ZFHX3: variants seen among roughly 807,000 people sequenced by gnomAD.
The protein encoded by ZFHX3 is zinc finger homeobox protein 3.
Under a neutral mutation model 279.1 loss-of-function variants are expected in ZFHX3, and 42 were observed. That is an observed-to-expected ratio of 0.15 (90% confidence interval 0.12 to 0.19). The LOEUF (loss-of-function observed/expected upper bound fraction) is 0.19, where lower values mean the gene tolerates loss of function less well. Ranked by LOEUF, ZFHX3 falls within the 10% of genes least tolerant of loss-of-function variation. ZFHX3 has a pLI of 1.00. For missense variants in ZFHX3, 4,981 were observed against 4,754.0 expected, an observed-to-expected ratio of 1.05 and a Z score of -1.40; for synonymous variants, 2,293 against 1,957.8, an observed-to-expected ratio of 1.17 and a Z score of -4.52.
upstream of ZFHX3, among the ~76,000 whole-genome samples, chr16:73,051,342 T>A (rs1965446283): frequency 6.6e-6 from 1 of 152,190 alleles, no homozygotes; most frequent in South Asian, 2.1e-4. Flanking sequence ...ACCCCATGAT[T>A]TTGAGGCAGT....
At chr16:72,986,286 C>G (rs1442772380) in intron 1 of ZFHX3, among the ~76,000 whole-genome samples, 1 of 152,170 alleles carries the variant, frequency 6.6e-6, no homozygotes, top group African/African-American at 2.4e-5. Flanking sequence ...TCCTTAGGAC[C>G]CGCCATGTGA....
intron 1 of ZFHX3, among the ~76,000 whole-genome samples, chr16:73,731,165 G>T (rs572871167): frequency 6.6e-6 from 1 of 152,260 alleles, no homozygotes; most frequent in Admixed American, 6.5e-5. Flanking sequence ...ATACTAGTTA[G>T]CAGTGAAGAC....
chr16:73,365,822 T>A (rs2016519804), intron 3 of ZFHX3, among the ~76,000 whole-genome samples: 1 of 152,182 alleles, frequency 6.6e-6, no homozygotes, highest in South Asian at 2.1e-4. Flanking sequence ...TCAGGCTTGA[T>A]AGAGATTCCC....
intron 7 of ZFHX3, among the ~76,000 whole-genome samples, chr16:73,119,108 A>AT (rs1966465166): frequency 2.1e-5 from 1 of 47,226 alleles, no homozygotes; most frequent in African/African-American, 1.0e-4. Context: ...AAATTCTTTT[A>AT]TTTTTATTTT....
intron 3 of ZFHX3, among the ~76,000 whole-genome samples, chr16:73,344,114 T>C (rs1389657813): frequency 6.6e-6 from 1 of 152,086 alleles, no homozygotes; most frequent in East Asian, 1.9e-4. Context: ...AATGGAAAAA[T>C]AGCAACCTTA....
intron 5 of ZFHX3, among the ~76,000 whole-genome samples, chr16:73,149,192 T>TTA (rs200913532): frequency 3.6e-4 from 53 of 147,442 alleles, no homozygotes; most frequent in African/African-American, 1.3e-3. Context: ...TATATTTTAC[T>TTA]TTATATTATA....
At chr16:72,957,214 G>A (rs372299110) in intron 2 of ZFHX3, among the ~76,000 whole-genome samples, 14 of 152,328 alleles carry the variant, frequency 9.2e-5, no homozygotes, top group African/African-American at 3.1e-4. Flanking sequence ...CAGAGTACAA[G>A]CATATCTCTT....
At chr16:73,808,162 G>T (rs1219040514) in intron 1 of ZFHX3, among the ~76,000 whole-genome samples, 1 of 151,996 alleles carries the variant, frequency 6.6e-6, no homozygotes, top group Non-Finnish European at 1.5e-5. Flanking sequence ...CCATGATGAA[G>T]ACTTGGGAAG....
chr16:73,127,208 T>C (rs963309793), intron 7 of ZFHX3: 30 of 574,044 alleles, frequency 5.2e-5, no homozygotes, highest in Non-Finnish European at 7.5e-5. Flanking sequence ...ACCAGAGCAG[T>C]CGTGCGTGAG....
intron 7 of ZFHX3, among the ~76,000 whole-genome samples, chr16:73,109,623 T>C (rs1370255759): frequency 2.0e-5 from 3 of 152,100 alleles, no homozygotes; most frequent in African/African-American, 7.2e-5. Context: ...CCAAGGCAGG[T>C]GAATTGCTTG....
Position 72,788,577 on chromosome 16 carries a change from C to G in ZFHX3, c.9699G>C (p.Lys3233Asn). 6.2e-7 allele frequency: 1 copy of G among 1,613,990 alleles called. No individual in the cohort carries two copies. Among genetic ancestry groups the G allele is most frequent in the Non-Finnish European group, 8.5e-7 (1 of 1,179,992 alleles). ...CCTTTACTTTCTCACTGTCTTTGTCCTTGCGTTGCTGCTGCTGTTGCAGTG... is the reference window on the plus strand; with the variant it reads ...CCTTTACTTTCTCACTGTCTTTGTCGTTGCGTTGCTGCTGCTGTTGCAGTG... ...QLPLQQQQQR[K>N]DKDSEKVKEK... is the part of the protein sequence containing the mutation. Residue 3233 changes from lysine to asparagine, a missense_variant, in exon 10 of 10, where the codon AAG (lysine) becomes AAC (asparagine). Lys to Asn is a moderately conservative substitution (Grantham distance 94). Coordinates refer to ENST00000268489, the MANE Select transcript of ZFHX3 (RefSeq NM_006885.4).
intron 1 of ZFHX3, among the ~76,000 whole-genome samples, chr16:73,762,221 C>T (rs1356360471): frequency 2.0e-5 from 3 of 151,308 alleles, no homozygotes; most frequent in Non-Finnish European, 4.4e-5. Flanking sequence ...GGCCAACAAA[C>T]ATATGAAAGA....
intron 1 of ZFHX3, among the ~76,000 whole-genome samples, chr16:73,877,201 T>TGGGGGGGGGGGGGG (rs112129642): frequency 1.9e-5 from 2 of 105,572 alleles, no homozygotes; most frequent in African/African-American, 7.2e-5. Flanking sequence ...GGGGGTTAGG[T>TGGGGGGGGGGGGGG]CGGGGGGGGG....
At chr16:73,385,867 C>G (rs572625380) in intron 3 of ZFHX3, among the ~76,000 whole-genome samples, 23 of 152,134 alleles carry the variant, frequency 1.5e-4, no homozygotes, top group Non-Finnish European at 2.5e-4. Flanking sequence ...GTTCCTTGCA[C>G]TTTCTCCCAG....
intron 3 of ZFHX3, among the ~76,000 whole-genome samples, chr16:73,399,664 T>C (rs940139160): frequency 8.5e-5 from 13 of 152,186 alleles, no homozygotes; most frequent in Non-Finnish European, 1.6e-4. Context: ...TTACCTCCAC[T>C]GCCTCCAACA....
At chr16:73,744,224 C>T (rs990387322) in intron 1 of ZFHX3, among the ~76,000 whole-genome samples, 3 of 152,224 alleles carry the variant, frequency 2.0e-5, no homozygotes, top group Non-Finnish European at 4.4e-5. Context: ...TTAATTTACG[C>T]TCATTATCTA....
rs561928759 is a variant in ZFHX3, at chr16:73,752,711, C to A, written c.-1607-72471G>T. Among the ~76,000 whole-genome samples the A allele has an allele frequency of 6.3e-4, 96 of 152,222 alleles. 1 individual carries two copies. The highest frequency in any genetic ancestry group is 1.1e-3 in the Non-Finnish European group (72 of 68,012). The stretch of plus-strand genomic sequence containing the variant: ...AGAATCAGCCCTAACAAAACCATGT[C>A]GACTAGTGAGTGTGTTTCCTGCACA... On this transcript the variant is annotated intron_variant, in intron 1 of 17. Coordinates refer to the ZFHX3 transcript ENST00000641206.
chr16:73,594,571 A>G lies in ZFHX3; in HGVS notation c.-1547+85609T>C, dbSNP rs145278727. Among the ~76,000 whole-genome samples, 4 of 152,320 alleles carry G rather than the reference A, an allele frequency of 2.6e-5. No homozygotes were observed. The East Asian group carries it at 5.8e-4, about 22-fold the overall frequency. ...AATCAGAACAGTGTGACACTAATTG[A>G]TAGAAGATAACTTGGCCAATGAAAC... On this transcript the variant is annotated intron_variant, in intron 2 of 17. Coordinates refer to the ZFHX3 transcript ENST00000641206.
intron 6 of ZFHX3, among the ~76,000 whole-genome samples, chr16:73,143,096 G>C (rs1327279136): frequency 6.6e-6 from 1 of 151,346 alleles, no homozygotes. Flanking sequence ...TTTTTTAACT[G>C]AGTCTGAGAA....
Sources: allele counts gnomAD v4.1 joint callset (sites outside exome capture counted in the v4.1 genomes callset), GRCh38; gene constraint gnomAD v4.1.1; transcripts MANE v1.5; gene names NCBI Gene and HGNC (gene_info 2026-07-23, HGNC 2026-07-21).